ZDHHC2: variants seen among roughly 807,000 people sequenced by gnomAD.
ZDHHC2 encodes the protein palmitoyltransferase ZDHHC2.
A neutral mutation model predicts 55.6 loss-of-function variants in ZDHHC2; 51 were observed. That is an observed-to-expected ratio of 0.92 (90% confidence interval 0.73 to 1.16). The LOEUF is 1.16. ZDHHC2 is among the 50% of genes most tolerant of loss of function. The pLI is 0.00. For synonymous variants in ZDHHC2, 199 were observed against 152.9 expected (o/e 1.30, Z -2.22); for missense variants, 491 against 442.4 (o/e 1.11, Z -0.99).
rs191721378 is a variant in ZDHHC2 at position 17,192,360 on chromosome 8, C to T, written c.253-3144C>T. Among the ~76,000 whole-genome samples, 568 of 152,262 alleles carry T rather than the reference C, an allele frequency of 3.7e-3. 1 individual carries two copies. Among genetic ancestry groups the T allele is most frequent in the Admixed American group, 9.7e-3 (148 of 15,290 alleles). ...CTCATTGTAGTTTTGATTTGCATTT[C>T]TCTGATGACCATGGATGTTGAGCAC... On this transcript the variant is annotated intron_variant, in intron 3 of 12. Coordinates refer to ENST00000262096, the MANE Select transcript of ZDHHC2 (RefSeq NM_016353.5).
chr8:17,210,389 C>T lies in ZDHHC2; in HGVS notation c.859C>T (p.Leu287=), dbSNP rs759854849. The change falls in exon 10 of 13, where the codon CTA becomes TTA. Residue 287 remains leucine, a splice_region_variant and synonymous_variant. Coordinates refer to ENST00000262096, the MANE Select transcript of ZDHHC2 (RefSeq NM_016353.5). Reference sequence around the variant, plus strand: ...TCTAAATTTTTATTTTAATTCTAGTCTAGGTGATGGCTGCTCCTTTCCAAC... The same window carrying T: ...TCTAAATTTTTATTTTAATTCTAGTTTAGGTGATGGCTGCTCCTTTCCAAC... ...KYWLLPIFSS[L]GDGCSFPTCL... 6.2e-7 allele frequency: 1 copy of T among 1,612,290 alleles called. No homozygotes were observed.
chr8:17,164,080 A>C (rs2150879028), intron 1 of ZDHHC2, among the ~76,000 whole-genome samples: 1 of 152,316 alleles, frequency 6.6e-6, no homozygotes, highest in South Asian at 2.1e-4. Flanking sequence ...TGATTTCTTA[A>C]GAAGAATAGG....
chr8:17,179,670 C>T (rs1301426934), intron 1 of ZDHHC2, among the ~76,000 whole-genome samples: 1 of 152,214 alleles, frequency 6.6e-6, no homozygotes, highest in East Asian at 1.9e-4. Flanking sequence ...TTTGGCCTCC[C>T]GAAGTGCTGG....
chr8:17,175,918 C>G (rs1325339599), intron 1 of ZDHHC2, among the ~76,000 whole-genome samples: 1 of 152,120 alleles, frequency 6.6e-6, no homozygotes, highest in Non-Finnish European at 1.5e-5. Flanking sequence ...GGCAAAGACG[C>G]TAAGGTTTGG....
chr8:17,204,405 C>G (rs1806985058), intron 6 of ZDHHC2, among the ~76,000 whole-genome samples: 1 of 152,180 alleles, frequency 6.6e-6, no homozygotes, highest in South Asian at 2.1e-4. Context: ...GAAAAGGAAA[C>G]CTGTATGTTC....
intron 1 of ZDHHC2, among the ~76,000 whole-genome samples, chr8:17,173,776 T>C (rs1804984654): frequency 6.6e-6 from 1 of 152,110 alleles, no homozygotes; most frequent in South Asian, 2.1e-4. Flanking sequence ...TGCAGTCTGA[T>C]TTTGGAGGAT....
intron 3 of ZDHHC2, among the ~76,000 whole-genome samples, chr8:17,187,208 G>A (rs1479569794): frequency 6.6e-6 from 1 of 152,190 alleles, no homozygotes; most frequent in Non-Finnish European, 1.5e-5. Context: ...GCTTCAGAGG[G>A]CTTTAAGTAG....
At chr8:17,172,083 C>T (rs1208822885) in intron 1 of ZDHHC2, among the ~76,000 whole-genome samples, 2 of 152,064 alleles carry the variant, frequency 1.3e-5, no homozygotes, top group African/African-American at 2.4e-5. Flanking sequence ...CAAAGCCCCG[C>T]GTCTATCACC....
chr8:17,211,593 G>A (rs987105897), intron 10 of ZDHHC2, among the ~76,000 whole-genome samples: 5 of 152,112 alleles, frequency 3.3e-5, no homozygotes, highest in South Asian at 2.1e-4. Flanking sequence ...AGGATCAAGC[G>A]ATCCTCCTGC....
intron 11 of ZDHHC2, among the ~76,000 whole-genome samples, chr8:17,216,161 C>A (rs887332948): frequency 6.6e-6 from 1 of 152,182 alleles, no homozygotes; most frequent in South Asian, 2.1e-4. Flanking sequence ...AGATTGACTA[C>A]TAACCTTTTC....
rs1808013941 is a variant in ZDHHC2 at position 17,223,832 on chromosome 8, C to G, written c.*3611C>G. On this transcript the variant is annotated 3_prime_UTR_variant, in exon 13 of 13. Coordinates refer to ENST00000262096, the MANE Select transcript of ZDHHC2 (RefSeq NM_016353.5). ...GAAATTGTTAAACCTTATAATGTTG[C>G]AAACCATGCATTTTCCTTTTCTCTT... 1 of 151,726 alleles carries G rather than the reference C, an allele frequency of 6.6e-6. No individual in the cohort carries two copies. Among genetic ancestry groups the G allele is most frequent in the African/African-American group, 2.4e-5 (1 of 41,386 alleles). 9.4% of individuals were successfully genotyped at this position (151,726 alleles called of 1,614,324 possible).
intron 1 of ZDHHC2, among the ~76,000 whole-genome samples, chr8:17,172,860 T>C (rs976046379): frequency 4.3e-4 from 66 of 152,200 alleles, no homozygotes; most frequent in Non-Finnish European, 2.9e-5. Flanking sequence ...TTACTGTTGC[T>C]CTAGGAACCC....
Position 17,224,246 on chromosome 8 carries a change from A to T in ZDHHC2, c.*4025A>T, listed in dbSNP as rs568206921. On this transcript the variant is annotated 3_prime_UTR_variant, in exon 13 of 13. Transcript: ENST00000262096. ...GTTGCAGGAAAGTGAGGGCAAAAAC[A>T]AACTGGTGAAAAATGTTCAAAAATA... 6.6e-6 allele frequency: 1 copy of T among 151,862 alleles called. No homozygotes were observed. Among genetic ancestry groups the T allele is most frequent in the East Asian group, 1.9e-4 (1 of 5,182 alleles). 9.4% of individuals were successfully genotyped at this position (151,862 alleles called of 1,614,324 possible). A position where few individuals can be genotyped will look rare whatever the true frequency, so the allele number is the denominator to read the frequency against.
At chr8:17,196,689 G>C (rs1160972271) in intron 4 of ZDHHC2, among the ~76,000 whole-genome samples, 1 of 152,010 alleles carries the variant, frequency 6.6e-6, no homozygotes, top group Non-Finnish European at 1.5e-5. Context: ...GATCACCTGA[G>C]GTCAGGAGTT....
In ZDHHC2 at chr8:17,199,582, C is replaced by CTTTCTTCTTCTTTATTCT. The variant is rs766829785; in HGVS notation, c.476+1171_476+1172insTCTTCTTCTTTATTCTTT. 8.7e-5 allele frequency among the ~76,000 whole-genome samples: 6 copies of CTTTCTTCTTCTTTATTCT among 68,946 alleles called. 1 individual carries two copies. The highest frequency in any genetic ancestry group is 2.8e-4 in the Admixed American group (2 of 7,164). 45.2% of individuals were successfully genotyped at this position (68,946 alleles called of 152,430 possible). ...TCGTCTTCTTCGTCTTTGTCTTCTT[C>CTTTCTTCTTCTTTATTCT]TTCTTCTTTCTTCTTCTTTATTCTT... On this transcript the variant is annotated intron_variant, in intron 6 of 12. Coordinates refer to ENST00000262096, the MANE Select transcript of ZDHHC2 (RefSeq NM_016353.5).
In ZDHHC2 at chr8:17,210,462, T is replaced by A. The variant is rs117830035; in HGVS notation, c.932T>A (p.Leu311Gln). The change falls in exon 10 of 13, where the codon CTG (leucine) becomes CAG (glutamine). Residue 311 changes from leucine (L) to glutamine (Q), a missense_variant. By Grantham distance (113) the Leu-to-Gln change is moderately radical. Coordinates refer to ENST00000262096, the MANE Select transcript of ZDHHC2 (RefSeq NM_016353.5). ...GAACAAGCATCTACTCCTGCAGGGC[T>A]GAATTCCACAGCTAAAAAGTAATCT... ...DPEQASTPAG[L>Q]NSTAKNLENH... is the part of the protein sequence containing the mutation. The A allele has an allele frequency of 2.6e-3, 4,236 of 1,610,462 alleles. 8 individuals are homozygous for A. The highest frequency in any genetic ancestry group is 3.5e-3 in the Non-Finnish European group (4,084 of 1,178,492).
At chr8:17,174,507 G>A (rs1329760398) in intron 1 of ZDHHC2, among the ~76,000 whole-genome samples, 3 of 152,072 alleles carry the variant, frequency 2.0e-5, no homozygotes, top group African/African-American at 7.2e-5. Flanking sequence ...CACTCAGTAG[G>A]CTTCCCTTAA....
intron 4 of ZDHHC2, among the ~76,000 whole-genome samples, chr8:17,196,618 C>T (rs569645813): frequency 4.0e-5 from 6 of 150,844 alleles, no homozygotes; most frequent in Admixed American, 3.3e-4. Context: ...TTAAGATTTG[C>T]GACTCTGTGT....
At chr8:17,202,003 T>G (rs1806806341) in intron 6 of ZDHHC2, among the ~76,000 whole-genome samples, 1 of 152,194 alleles carries the variant, frequency 6.6e-6, no homozygotes, top group Non-Finnish European at 1.5e-5. Flanking sequence ...CCGTAGTATT[T>G]GCTTTATGGG....
Sources: allele counts gnomAD v4.1 joint callset (sites outside exome capture counted in the v4.1 genomes callset), GRCh38; gene constraint gnomAD v4.1.1; transcripts MANE v1.5; gene names NCBI Gene and HGNC (gene_info 2026-07-23, HGNC 2026-07-21).